The following FLII variants were observed in gnomAD, a reference collection of about 807,000 sequenced individuals.
The protein encoded by FLII is protein flightless-1 homolog.
In FLII, 101 loss-of-function variants were observed where a neutral mutation model predicts 156.2. That is an observed-to-expected ratio of 0.65 (90% CI 0.55 to 0.76). FLII has a LOEUF of 0.76. FLII is among the 30% of genes least tolerant of loss of function. The pLI is 0.00. For missense variants in FLII, 1,675 were observed against 1,682.8 expected, an observed-to-expected ratio of 1.00 and a Z score of 0.08; for synonymous variants, 767 against 685.8, an observed-to-expected ratio of 1.12 and a Z score of -1.85.
In FLII at chr17:18,245,270, T is replaced by C. The variant is rs369182133; in HGVS notation, c.3678A>G (p.Val1226=). 1.6e-5 allele frequency: 25 copies of C among 1,612,808 alleles called. No individual in the cohort carries two copies. In the African/African-American group the frequency reaches 2.9e-4, roughly 19 times the overall value. The change falls in exon 30 of 30, where the codon GTA becomes GTG. Residue 1226 remains valine (V), a splice_region_variant and synonymous_variant. Coordinates refer to ENST00000327031, the MANE Select transcript of FLII (RefSeq NM_002018.4). ...EIKLSLKACQ[V]YIQHMRSKEH... is the part of the protein sequence containing the mutation. ...CCTTGGACCGCATGTGCTGGATATA[T>C]ACCTGGCAAGGGGACAGCGAGCCTT... is the stretch of plus-strand genomic sequence containing the variant.
Position 18,247,920 on chromosome 17 carries a change from A to T in FLII, c.2295+9T>A. On this transcript the variant is annotated intron_variant, in intron 19 of 29. Coordinates refer to ENST00000327031, the MANE Select transcript of FLII (RefSeq NM_002018.4). ...ATCTGGCCCCACGCCCTCCTCCTGC[A>T]TCTCTTACCAGCCGCATTCTTGGCA... 6.2e-7 allele frequency: 1 copy of T among 1,613,632 alleles called. No individual in the cohort carries two copies.
In FLII at chr17:18,246,817, G is replaced by A. The variant is rs2048077553; in HGVS notation, c.2828C>T (p.Pro943Leu). 6.2e-7 allele frequency: 1 copy of A among 1,614,064 alleles called. No individual in the cohort carries two copies. Among genetic ancestry groups the A allele is most frequent in the Non-Finnish European group, 8.5e-7 (1 of 1,180,016 alleles). ...CTTTTCCTCCTCCTCGTACTCCACA[G>A]GCACCCAGTACCTGCCGGGTTGGAA... ...CYVFLCRYWV[P>L]VEYEEEEKKE... The change falls in exon 23 of 30, where the codon CCT (proline) becomes CTT (leucine). Residue 943 changes from proline (P) to leucine (L), a missense_variant. Pro to Leu is a moderately conservative substitution (Grantham distance 98, BLOSUM62 -3). Transcript: ENST00000327031.
chr17:18,251,956 G>A, intron 11 of FLII, 43 bp downstream of exon 11: 1 of 1,605,588 alleles, frequency 6.2e-7, no homozygotes, highest in Non-Finnish European at 8.5e-7. Flanking sequence ...TTTGAGGCCT[G>A]GAGAGGAGCC....
At chr17:18,251,964 G>GCCCC (rs544182003) in intron 11 of FLII, 35 bp downstream of exon 11, 1 of 1,606,140 alleles carries the variant, frequency 6.2e-7, no homozygotes, top group South Asian at 1.1e-5. Flanking sequence ...CTGGAGAGGA[G>GCCCC]CCCCCGTTCC....
intron 23 of FLII, 36 bp from the exon 24 acceptor site, chr17:18,246,498 A>T (rs769392349): frequency 1.2e-6 from 2 of 1,612,068 alleles, no homozygotes; most frequent in South Asian, 1.1e-5. Context: ...AGCTCCCTGG[A>T]CCCCCACCTG....
Position 18,244,934 on chromosome 17 carries a change from C to A in FLII, c.*204G>T, listed in dbSNP as rs1022663198. On this transcript the variant is annotated 3_prime_UTR_variant, in exon 30 of 30. Transcript: ENST00000327031. ...AGTGAGGGGGCTTCACACGTGCACTCACACTGTGGAGAGAGTTGGATTTCC... is the reference window on the plus strand; with the variant it reads ...AGTGAGGGGGCTTCACACGTGCACTAACACTGTGGAGAGAGTTGGATTTCC... The A allele has an allele frequency of 3.2e-6, 2 of 625,362 alleles. No individual in the cohort carries two copies. Among genetic ancestry groups the A allele is most frequent in the Admixed American group, 2.6e-5 (1 of 38,018 alleles). The allele number at this position is 625,362 out of a possible 1,614,324, so 38.7% of individuals were successfully genotyped here.
rs748280896 is a variant in FLII at position 18,251,441 on chromosome 17, G to A, written c.1420C>T (p.Arg474Trp). The A allele has an allele frequency of 8.1e-6, 13 of 1,610,008 alleles. No individual in the cohort carries two copies. The South Asian group carries it at 8.8e-5, about 11-fold the overall frequency. Residue 474 changes from arginine (R) to tryptophan (W), a missense_variant, in exon 13 of 30, where the codon CGG (arginine) becomes TGG (tryptophan). Arg to Trp is a moderately radical substitution (Grantham distance 101, BLOSUM62 -3). Around this residue, in one of 2 missense-constraint regions of FLII, gnomAD observed 1,332 missense variants for 1,269.3 expected, o/e 1.05. Coordinates refer to ENST00000327031, the MANE Select transcript of FLII (RefSeq NM_002018.4). ...TTCTCCAGGCCCTGGTCCCAACGCC[G>A]CACCTTCCCGCTGGGGGCCCGGGCA... Reference protein sequence around the residue: ...ADARAPSGKVRRWDQGLEKPR... With the variant: ...ADARAPSGKVWRWDQGLEKPR...
In FLII at chr17:18,246,584, C is replaced by G. The variant is rs747887753; in HGVS notation, c.3051+10G>C. On this transcript the variant is annotated intron_variant, in intron 23 of 29. Transcript: ENST00000327031. Reference sequence around the variant, plus strand: ...GCCTGGCCTCGGGCTCGCGGGGCTGCCAGGCACACCTCCAGCTTCCCAGGG... The same window carrying G: ...GCCTGGCCTCGGGCTCGCGGGGCTGGCAGGCACACCTCCAGCTTCCCAGGG... The G allele has an allele frequency of 6.2e-7, 1 of 1,613,570 alleles. No homozygotes were observed. The highest frequency in any genetic ancestry group is 1.1e-5 in the South Asian group (1 of 91,076).
At chr17:18,254,249 A>G (rs2048351772) in intron 6 of FLII, 67 bp from the exon 7 acceptor site, 14 of 1,298,374 alleles carry the variant, frequency 1.1e-5, no homozygotes, top group African/African-American at 1.5e-5. Context: ...GGGGCTTGGC[A>G]GGGCAGGACC....
chr17:18,255,232 T>C lies in FLII; in HGVS notation c.278A>G (p.Asn93Ser), dbSNP rs1406061239. The change falls in exon 4 of 30, where the codon AAT becomes AGT. Residue 93 changes from asparagine (N) to serine (S), a missense_variant. Asn to Ser is a conservative substitution (Grantham distance 46). Around this residue, in one of 2 missense-constraint regions of FLII, gnomAD observed 343 missense variants for 413.5 expected, o/e 0.83. Transcript: ENST00000327031. The stretch of plus-strand genomic sequence containing the variant: ...GAAGATGTCATCGGGGACTCCGGAA[T>C]TCTTCAGACTGTTGGCTCGGGCCAC... ...AIVARANSLK[N>S]SGVPDDIFKL... The C allele has an allele frequency of 2.5e-6, 4 of 1,613,982 alleles. No individual in the cohort carries two copies. The highest frequency in any genetic ancestry group is 3.4e-6 in the Non-Finnish European group (4 of 1,179,982).
At chr17:18,256,394 A>C (rs1567718507) in intron 3 of FLII, 132 bp downstream of exon 3, 1 of 692,978 alleles carries the variant, frequency 1.4e-6, no homozygotes, top group Non-Finnish European at 2.5e-6. Flanking sequence ...CCTCTGTGAC[A>C]CCTGAGCCTC....
At chr17:18,258,996 A>C (rs958942181), upstream of FLII, 13 of 198,064 alleles carry the variant, frequency 6.6e-5, no homozygotes, top group Admixed American at 2.4e-4. The surrounding 1 kb of genome is among the most constrained non-coding windows in gnomAD (Gnocchi z 4.2). Context: ...AGGCACCGTC[A>C]CCTGCGCTGC....
chr17:18,247,772 T>G lies in FLII; in HGVS notation c.2372A>C (p.Lys791Thr). The change falls in exon 20 of 30, where the codon AAG becomes ACG. Residue 791 changes from lysine (K) to threonine (T), a missense_variant. Lys to Thr is a moderately conservative substitution (Grantham distance 78). This residue lies in a region of FLII where 1,332 missense variants were observed against 1,269.3 expected (regional missense o/e 1.05). Transcript: ENST00000327031. ...GGCAGCGCGCACCAGGCGCGGGGACTTGCGGCCGAGCCAGATGAACACGTC... is the reference window on the plus strand; with the variant it reads ...GGCAGCGCGCACCAGGCGCGGGGACGTGCGGCCGAGCCAGATGAACACGTC... ...WSDVFIWLGRKSPRLVRAAAL... is the reference protein window; with the variant it reads ...WSDVFIWLGRTSPRLVRAAAL... The G allele has an allele frequency of 6.2e-7, 1 of 1,609,814 alleles. No homozygotes were observed. Among genetic ancestry groups the G allele is most frequent in the Non-Finnish European group, 8.5e-7 (1 of 1,179,954 alleles).
intron 3 of FLII, among the ~76,000 whole-genome samples, chr17:18,255,768 G>A (rs920073507): frequency 2.6e-5 from 4 of 152,188 alleles, no homozygotes; most frequent in African/African-American, 7.2e-5. Flanking sequence ...GGGAGTCACC[G>A]GAGCTGCCCC....
At position 18,245,908 on chromosome 17, in the gene FLII, GCCCGCC is replaced by G; in HGVS notation, c.3396+20_3396+25del. 1 of 1,611,668 alleles carries G rather than the reference GCCCGCC, an allele frequency of 6.2e-7. No homozygotes were observed. Among genetic ancestry groups the G allele is most frequent in the East Asian group, 2.3e-5 (1 of 43,742 alleles). On this transcript the variant is annotated intron_variant, in intron 26 of 29. Coordinates refer to ENST00000327031, the MANE Select transcript of FLII (RefSeq NM_002018.4). ...TGCCTGCCCTGGCTCCTCTGTGTGT[GCCCGCC>G]TGCCCGCCCGCCTCCTGACCTGCTT...
Position 18,254,847 on chromosome 17 carries a change from C to A in FLII, c.335G>T (p.Ser112Ile). 1 of 1,614,148 alleles carries A rather than the reference C, an allele frequency of 6.2e-7. No individual in the cohort carries two copies. Among genetic ancestry groups the A allele is most frequent in the Non-Finnish European group, 8.5e-7 (1 of 1,180,022 alleles). The change falls in exon 5 of 30, where the codon AGC becomes ATC. Residue 112 changes from serine to isoleucine, a missense_variant. Coordinates refer to ENST00000327031, the MANE Select transcript of FLII (RefSeq NM_002018.4). ...CGGGCACTCTGTCAGCTGGTTGTGG[C>A]TCAAGTCCTGGGTAGAAGGGGCAAG... is the stretch of plus-strand genomic sequence containing the variant. ...KLDDLSVLDL[S>I]HNQLTECPRE...
At position 18,247,002 on chromosome 17, in the gene FLII, ACCCTCCATGC is replaced by A; in HGVS notation, c.2717_2726del (p.Gly906ValfsTer113). On this transcript the variant is annotated frameshift_variant, in exon 22 of 30. Coordinates refer to ENST00000327031, the MANE Select transcript of FLII (RefSeq NM_002018.4). LOFTEE classifies it high-confidence loss of function. ...CAAACTTCTTGCCCTCCAGCACGAA[ACCCTCCATGC>A]CGTCTAGGTCTTCGTTCCACTCCTC... is the stretch of plus-strand genomic sequence containing the variant. 1 of 1,613,576 alleles carries A rather than the reference ACCCTCCATGC, an allele frequency of 6.2e-7. No homozygotes were observed. Among genetic ancestry groups the A allele is most frequent in the Non-Finnish European group, 8.5e-7 (1 of 1,179,926 alleles).
rs984596111 is a variant in FLII at position 18,253,341 on chromosome 17, C to A, written c.973G>T (p.Ala325Ser). 6.2e-6 allele frequency: 10 copies of A among 1,613,826 alleles called. No individual in the cohort carries two copies. Among genetic ancestry groups the A allele is most frequent in the African/African-American group, 2.7e-5 (2 of 74,924 alleles). ...GGGACCAGCTCCAGGTTGTTGTTGG[C>A]AGCCATGAACTCTTCCAGGTTGGTG... is the stretch of plus-strand genomic sequence containing the variant. ...KLTNLEEFMA[A>S]NNNLELVPES... Residue 325 changes from alanine to serine, a missense_variant, in exon 9 of 30, where the codon GCC becomes TCC. This residue lies in a region of FLII where 1,332 missense variants were observed against 1,269.3 expected (regional missense o/e 1.05). Transcript: ENST00000327031.
intron 10 of FLII, 28 bp from the exon 11 acceptor site, chr17:18,252,174 A>ACTGAGC (rs768992236): frequency 6.3e-7 from 1 of 1,598,754 alleles, no homozygotes; most frequent in African/African-American, 1.3e-5. Flanking sequence ...CAGAGCCGGC[A>ACTGAGC]CTGAGCCTGG....
Sources: allele counts gnomAD v4.1 joint callset (sites outside exome capture counted in the v4.1 genomes callset), GRCh38; gene constraint gnomAD v4.1.1; regional missense constraint gnomAD v4.1.1; non-coding constraint Gnocchi (gnomAD v3.1); transcripts MANE v1.5; gene names NCBI Gene and HGNC (gene_info 2026-07-23, HGNC 2026-07-21).